The following REV3L variants were observed in gnomAD, a reference collection of about 807,000 sequenced individuals.
REV3L encodes REV3 like, DNA directed polymerase zeta catalytic subunit.
In REV3L, 69 loss-of-function variants were observed where a neutral mutation model predicts 299.4. The observed-to-expected ratio is 0.23, with a 90% CI of 0.19 to 0.28. The LOEUF (loss-of-function observed/expected upper bound fraction) is 0.28. Among genes scored for constraint, REV3L ranks in the 10% least tolerant of loss-of-function variants. The pLI is 1.00. For synonymous variants in REV3L, 1,238 were observed against 1,271.4 expected, an observed-to-expected ratio of 0.97 and a Z score of 0.56; for missense variants, 3,128 against 3,693.8, an observed-to-expected ratio of 0.85 and a Z score of 3.97.
intron 13 of REV3L, among the ~76,000 whole-genome samples, chr6:111,372,192 A>G (rs532462987): frequency 6.6e-6 from 1 of 152,236 alleles, no homozygotes; most frequent in African/African-American, 2.4e-5. Context: ...GCTCATTTTC[A>G]AAACACTTGA....
intron 1 of REV3L, among the ~76,000 whole-genome samples, chr6:111,418,938 G>A (rs1442949064): frequency 6.6e-6 from 1 of 152,134 alleles, no homozygotes; most frequent in Non-Finnish European, 1.5e-5. Flanking sequence ...AAGGACAAAG[G>A]AATGATGTGA....
intron 21 of REV3L, among the ~76,000 whole-genome samples, chr6:111,335,914 T>C (rs1384888671): frequency 6.6e-6 from 1 of 152,108 alleles, no homozygotes; most frequent in Non-Finnish European, 1.5e-5. Context: ...TTTTTTTCTA[T>C]TCTTATTATA....
At chr6:111,443,604 T>G (rs1013310103) in intron 1 of REV3L, among the ~76,000 whole-genome samples, 5 of 152,228 alleles carry the variant, frequency 3.3e-5, no homozygotes, top group African/African-American at 1.2e-4. Flanking sequence ...TTAGCCCTAC[T>G]CATAAGATGT....
intron 6 of REV3L, 112 bp from the exon 7 acceptor site, chr6:111,389,322 T>C (rs887308094): frequency 7.8e-6 from 6 of 768,138 alleles, no homozygotes; most frequent in Non-Finnish European, 1.1e-5. Context: ...ACATATTTTG[T>C]GTAATAAAGT....
chr6:111,325,304 GA>G, intron 25 of REV3L, among the ~76,000 whole-genome samples: 1 of 152,252 alleles, frequency 6.6e-6, no homozygotes, highest in South Asian at 2.1e-4. Flanking sequence ...TAATTTAGTA[GA>G]AAACTGTCAA....
chr6:111,422,077 A>G (rs1785423871), intron 1 of REV3L, among the ~76,000 whole-genome samples: 1 of 152,244 alleles, frequency 6.6e-6, no homozygotes, highest in Admixed American at 6.5e-5. Context: ...TTCAGAATTT[A>G]TCTTACAGAA....
chr6:111,449,021 T>C lies in REV3L; in HGVS notation c.140-32549A>G, dbSNP rs576613777. Among the ~76,000 whole-genome samples, 8 of 152,190 alleles carry C rather than the reference T, an allele frequency of 5.3e-5. No homozygotes were observed. In the South Asian group the frequency reaches 1.7e-3, roughly 32 times the overall value. On this transcript the variant is annotated intron_variant, in intron 1 of 31. Transcript: ENST00000368802. Reference sequence around the variant, plus strand: ...TCTTTGCAAACAAATCATTCCTGAATAGAAAATGGAATATGAAACACTTTG... The same window carrying C: ...TCTTTGCAAACAAATCATTCCTGAACAGAAAATGGAATATGAAACACTTTG...
intron 1 of REV3L, among the ~76,000 whole-genome samples, chr6:111,449,782 C>G (rs1427096967): frequency 6.6e-6 from 1 of 151,740 alleles, no homozygotes; most frequent in Non-Finnish European, 1.5e-5. Context: ...ATCCAGAACA[C>G]AAGGTAAAAT....
At chr6:111,356,614 AC>A (rs1778116377) in intron 18 of REV3L, 1 of 152,464 alleles carries the variant, frequency 6.6e-6, no homozygotes, top group Non-Finnish European at 1.5e-5. Context: ...GAAAAAACAA[AC>A]CAAAAAAAGG....
At position 111,335,658 on chromosome 6, in the gene REV3L, ACTT is replaced by A. The variant is rs1562140587; in HGVS notation, c.7539-51_7539-49del. The A allele has an allele frequency of 1.9e-6, 3 of 1,547,592 alleles. No individual in the cohort carries two copies. The South Asian group carries it at 3.7e-5, about 19-fold the overall frequency. The stretch of plus-strand genomic sequence containing the variant: ...ATGAACATCAGGGAAAAATTTGGAC[ACTT>A]GAAAACAGTACTTTTTTTCCTGCCA... On this transcript the variant is annotated intron_variant, in intron 21 of 31. Coordinates refer to ENST00000368802, the MANE Select transcript of REV3L (RefSeq NM_001372078.1).
chr6:111,401,441 C>T (rs1783074081), intron 4 of REV3L, among the ~76,000 whole-genome samples: 1 of 152,184 alleles, frequency 6.6e-6, no homozygotes, highest in Non-Finnish European at 1.5e-5. Flanking sequence ...TATTTGCTCA[C>T]ATACTTTGGT....
chr6:111,393,057 AGATGGAG>A, intron 4 of REV3L, 85 bp from the exon 5 acceptor site: 1 of 791,872 alleles, frequency 1.3e-6, no homozygotes, highest in Non-Finnish European at 2.0e-6. Flanking sequence ...TTTTTTTTTG[AGATGGAG>A]TCTCGCTTTG....
chr6:111,396,346 A>C (rs1782504381), intron 4 of REV3L, among the ~76,000 whole-genome samples: 1 of 149,954 alleles, frequency 6.7e-6, no homozygotes, highest in African/African-American at 2.5e-5. Context: ...ATTTCACTTG[A>C]TCATGGTGTA....
intron 16 of REV3L, among the ~76,000 whole-genome samples, chr6:111,363,349 A>C (rs1423296377): frequency 6.6e-6 from 1 of 152,102 alleles, no homozygotes; most frequent in African/African-American, 2.4e-5. Context: ...TCTGTAGCCC[A>C]GGCTGGAGTG....
chr6:111,303,161 CTTTCTT>C (rs1771779519), intron 31 of REV3L, among the ~76,000 whole-genome samples: 2 of 55,524 alleles, frequency 3.6e-5, no homozygotes, highest in South Asian at 1.2e-3. Flanking sequence ...GCTTTCTTTT[CTTTCTT>C]TTTTTTTTTT....
rs781072594 is a variant in REV3L, at chr6:111,367,530, T to C, written c.6258A>G (p.Gln2086=). ...ALQAPTTGCS[Q]TASESQMLPP... ...GCAGCATCTGACTTTCACTTGCAGT[T>C]TGACTACATCCCGTGGTTGGTGCTT... is the stretch of plus-strand genomic sequence containing the variant. The change falls in exon 14 of 32, where the codon CAA becomes CAG. Residue 2086 remains glutamine (Q), a synonymous_variant. Transcript: ENST00000368802. 15 of 1,612,540 alleles carry C rather than the reference T, an allele frequency of 9.3e-6. No individual in the cohort carries two copies. The highest frequency in any genetic ancestry group is 5.3e-5 in the African/African-American group (4 of 75,038).
At chr6:111,351,404 T>G (rs1777552587) in intron 19 of REV3L, among the ~76,000 whole-genome samples, 1 of 152,110 alleles carries the variant, frequency 6.6e-6, no homozygotes, top group African/African-American at 2.4e-5. Context: ...ATATACGGTA[T>G]GATTATTTAA....
At chr6:111,420,922 C>T (rs975710257) in intron 1 of REV3L, among the ~76,000 whole-genome samples, 21 of 152,020 alleles carry the variant, frequency 1.4e-4, no homozygotes, top group African/African-American at 5.1e-4. Flanking sequence ...AGGTAGATCA[C>T]GAGGTCAGGA....
At chr6:111,398,740 T>C (rs1288474116) in intron 4 of REV3L, among the ~76,000 whole-genome samples, 1 of 152,056 alleles carries the variant, frequency 6.6e-6, no homozygotes, top group Non-Finnish European at 1.5e-5. Flanking sequence ...TGAGATAACA[T>C]GATAAAATAA....
Sources: gnomAD v4.1 joint callset for allele counts (sites outside exome capture counted in the v4.1 genomes callset) on GRCh38, gnomAD v4.1.1 for gene constraint, MANE v1.5 for transcripts, NCBI Gene and HGNC (gene_info 2026-07-23, HGNC 2026-07-21) for gene names.